The following MFHAS1 variants were observed in gnomAD, a reference collection of about 807,000 sequenced individuals.
MFHAS1 encodes the protein multifunctional ROCO family signaling regulator 1.
In MFHAS1, 50 loss-of-function variants were observed where a neutral mutation model predicts 70.4. The observed-to-expected ratio is 0.71, with a 90% CI of 0.57 to 0.90. The LOEUF (loss-of-function observed/expected upper bound fraction) is 0.90. Ranked by LOEUF, MFHAS1 falls within the 40% of genes least tolerant of loss-of-function variation. The pLI, the probability that MFHAS1 is intolerant of heterozygous loss-of-function variation, is 0.00. For synonymous variants in MFHAS1, 952 were observed against 620.0 expected (o/e 1.54, Z -7.96); for missense variants, 1,795 against 1,347.6 (o/e 1.33, Z -5.20).
At chr8:8,796,547 G>A (rs2409091) in intron 2 of MFHAS1, among the ~76,000 whole-genome samples, 53,599 of 123,784 alleles carry the variant, frequency 0.43, 14,398 homozygotes, top group East Asian at 0.83. Flanking sequence ...AGCCGGGCGC[G>A]GTGGCGGGCG....
chr8:8,830,715 G>A (rs1807354311), intron 1 of MFHAS1, among the ~76,000 whole-genome samples: 1 of 152,148 alleles, frequency 6.6e-6, no homozygotes, highest in Non-Finnish European at 1.5e-5. Context: ...TAATTCACAT[G>A]CCTCAGCCTC....
chr8:8,813,868 C>T (rs574003902), intron 1 of MFHAS1, among the ~76,000 whole-genome samples: 1 of 152,166 alleles, frequency 6.6e-6, no homozygotes, highest in East Asian at 1.9e-4. Context: ...CTGACTCACC[C>T]AGAGCAACTT....
At chr8:8,870,655 G>A (rs1585063239) in intron 1 of MFHAS1, among the ~76,000 whole-genome samples, 1 of 151,870 alleles carries the variant, frequency 6.6e-6, no homozygotes, top group Non-Finnish European at 1.5e-5. Flanking sequence ...ACACACACAC[G>A]TGGATCAAGA....
chr8:8,811,486 C>G (rs1806546534), intron 1 of MFHAS1, among the ~76,000 whole-genome samples: 1 of 152,090 alleles, frequency 6.6e-6, no homozygotes. Context: ...CCATGTTGCC[C>G]AGCCTGGTCT....
intron 1 of MFHAS1, among the ~76,000 whole-genome samples, chr8:8,800,565 G>A (rs1380281155): frequency 2.6e-5 from 4 of 152,050 alleles, no homozygotes; most frequent in African/African-American, 9.7e-5. Flanking sequence ...CACCACAGGG[G>A]CCAGGACTCC....
Position 8,885,159 on chromosome 8 carries a change from C to A in MFHAS1, c.2998+4902G>T, listed in dbSNP as rs536411485. 1.4e-4 allele frequency among the ~76,000 whole-genome samples: 22 copies of A among 152,174 alleles called. 1 individual carries two copies. In the South Asian group the frequency reaches 2.3e-3, roughly 16 times the overall value. On this transcript the variant is annotated intron_variant, in intron 1 of 2. Transcript: ENST00000276282. ...TGCTGTGTTGTCGGAGAGGTACACT[C>A]CGTGTGCAAGAAACTGAGGGACAGA...
Position 8,822,875 on chromosome 8 carries a change from G to T in MFHAS1, c.2999-25384C>A, listed in dbSNP as rs1585035391. On this transcript the variant is annotated intron_variant, in intron 1 of 2. Transcript: ENST00000276282. ...GTCAGGGGGACTGAGACGGGCACAG[G>T]GACCAAGTCAGGGAAACTGAGAAGG... Among the ~76,000 whole-genome samples, 4 of 152,258 alleles carry T rather than the reference G, an allele frequency of 2.6e-5. No individual in the cohort carries two copies. The South Asian group carries it at 8.3e-4, about 32-fold the overall frequency.
At chr8:8,797,946 T>C (rs952848891) in intron 1 of MFHAS1, among the ~76,000 whole-genome samples, 4 of 152,182 alleles carry the variant, frequency 2.6e-5, no homozygotes, top group African/African-American at 9.7e-5. Flanking sequence ...ATAAATGATC[T>C]GGAAACACAG....
rs570836803 is a variant in MFHAS1 at position 8,821,558 on chromosome 8, C to T, written c.2999-24067G>A. The stretch of plus-strand genomic sequence containing the variant: ...AATCACACTTTGATTTATGCCAGAA[C>T]TTCACATTTTCTTAAAAGGTGGGGG... On this transcript the variant is annotated intron_variant, in intron 1 of 2. Transcript: ENST00000276282. 7.9e-5 allele frequency among the ~76,000 whole-genome samples: 12 copies of T among 152,334 alleles called. No individual in the cohort carries two copies. In the East Asian group the frequency reaches 2.3e-3, roughly 29 times the overall value.
At chr8:8,852,813 G>A (rs937990036) in intron 1 of MFHAS1, among the ~76,000 whole-genome samples, 7 of 152,150 alleles carry the variant, frequency 4.6e-5, no homozygotes, top group African/African-American at 1.7e-4. Context: ...AACAGAGTCC[G>A]GTAAACAGTT....
In MFHAS1 at chr8:8,891,747, G is replaced by T. The variant is rs763862605; in HGVS notation, c.1312C>A (p.Pro438Thr). 1.2e-6 allele frequency: 2 copies of T among 1,613,224 alleles called. No homozygotes were observed. The highest frequency in any genetic ancestry group is 1.3e-5 in the African/African-American group (1 of 74,910). ...CACTTCTCCTTGTCCCCTCCTCCTG[G>T]GCATCCCTCCACTCTCTCCTCGGTG... is the stretch of plus-strand genomic sequence containing the variant. ...CLTEERVEGC[P>T]GGGDKEKCYP... is the part of the protein sequence containing the mutation. The change falls in exon 1 of 3, where the codon CCA becomes ACA. Residue 438 changes from proline to threonine, a missense_variant. By Grantham distance (38) the Pro-to-Thr change is conservative. Coordinates refer to ENST00000276282, the MANE Select transcript of MFHAS1 (RefSeq NM_004225.3). The surrounding 1 kb of genome is among the most constrained non-coding windows in gnomAD (Gnocchi z 5.4).
chr8:8,884,777 T>C (rs773792539), intron 1 of MFHAS1, among the ~76,000 whole-genome samples: 32 of 152,216 alleles, frequency 2.1e-4, no homozygotes, highest in Middle Eastern at 3.4e-3. Context: ...AGCGAAACCC[T>C]GTCTCTACAA....
In MFHAS1 at chr8:8,825,476, G is replaced by A. The variant is rs988063132; in HGVS notation, c.2999-27985C>T. Among the ~76,000 whole-genome samples the A allele has an allele frequency of 2.0e-5, 3 of 152,094 alleles. No homozygotes were observed. In the East Asian group the frequency reaches 5.8e-4, roughly 29 times the overall value. ...GTGTGAGCCACCATGCCCAGCCTAA[G>A]AACAGGTATTTATTTTCTCAAATTC... On this transcript the variant is annotated intron_variant, in intron 1 of 2. Transcript: ENST00000276282.
At position 8,893,074 on chromosome 8, in the gene MFHAS1, C is replaced by T; in HGVS notation, c.-16G>A. On this transcript the variant is annotated 5_prime_UTR_variant, in exon 1 of 3. Coordinates refer to ENST00000276282, the MANE Select transcript of MFHAS1 (RefSeq NM_004225.3). ...TCCCAGCCATGGCGGGGCCCCGGGCCGACAGCCTCACGCGGACGCGGGAGC... is the reference window on the plus strand; with the variant it reads ...TCCCAGCCATGGCGGGGCCCCGGGCTGACAGCCTCACGCGGACGCGGGAGC... The T allele has an allele frequency of 6.8e-7, 1 of 1,466,980 alleles. No homozygotes were observed. The allele number at this position is 1,466,980 out of a possible 1,614,324, so 90.9% of individuals were successfully genotyped here.
chr8:8,858,405 T>G (rs1659395080), intron 1 of MFHAS1, among the ~76,000 whole-genome samples: 1 of 152,102 alleles, frequency 6.6e-6, no homozygotes, highest in African/African-American at 2.4e-5. Flanking sequence ...AAATTTAAAT[T>G]TAATATTTAA....
At chr8:8,889,938 C>T (rs1809922319) in intron 1 of MFHAS1, 123 bp downstream of exon 1, 8 of 791,080 alleles carry the variant, frequency 1.0e-5, no homozygotes, top group Non-Finnish European at 1.6e-5. Context: ...CTGTGTTTCC[C>T]TTACGAAGCT....
intron 2 of MFHAS1, among the ~76,000 whole-genome samples, chr8:8,787,935 G>C (rs1315373463): frequency 6.6e-6 from 1 of 152,178 alleles, no homozygotes; most frequent in African/African-American, 2.4e-5. Flanking sequence ...GGATCTTAGA[G>C]AAAACAACCA....
At chr8:8,787,031 T>C (rs1805567953) in intron 2 of MFHAS1, among the ~76,000 whole-genome samples, 1 of 152,102 alleles carries the variant, frequency 6.6e-6, no homozygotes, top group Non-Finnish European at 1.5e-5. Flanking sequence ...ATTATTTATC[T>C]TCAACTCCTA....
In MFHAS1 at chr8:8,891,272, T is replaced by G; in HGVS notation, c.1787A>C (p.Tyr596Ser). 1 of 1,612,080 alleles carries G rather than the reference T, an allele frequency of 6.2e-7. No individual in the cohort carries two copies. The highest frequency in any genetic ancestry group is 1.1e-5 in the South Asian group (1 of 91,088). Residue 596 changes from tyrosine (Y) to serine (S), a missense_variant, in exon 1 of 3, where the codon TAT (tyrosine) becomes TCT (serine). Coordinates refer to ENST00000276282, the MANE Select transcript of MFHAS1 (RefSeq NM_004225.3). This position sits in a 1 kb window ranked among gnomAD's most constrained non-coding sequence, Gnocchi z 5.4. Reference sequence around the variant, plus strand: ...TCGAAGGTTCTTGTCCGAAACGCCATAGTAGGCTGCGTGGGGGCTGGCAGA... The same window carrying G: ...TCGAAGGTTCTTGTCCGAAACGCCAGAGTAGGCTGCGTGGGGGCTGGCAGA... ...LRSASPHAAY[Y>S]GVSDKNLRRR...
Sources: allele counts gnomAD v4.1 joint callset (sites outside exome capture counted in the v4.1 genomes callset), GRCh38; gene constraint gnomAD v4.1.1; non-coding constraint Gnocchi (gnomAD v3.1); transcripts MANE v1.5; gene names NCBI Gene and HGNC (gene_info 2026-07-23, HGNC 2026-07-21).